The following CSNK2A2IP variants were observed in gnomAD, a reference collection of about 807,000 sequenced individuals.
CSNK2A2IP encodes the protein casein kinase 2 subunit alpha' interacting protein.
At chr3:88,444,318 G>A in the CSNK2A2IP span, among the ~76,000 whole-genome samples, 11 of 151,980 alleles carry the variant, frequency 7.2e-5, no homozygotes, top group Admixed American at 6.5e-4. Flanking sequence ...CTAACCTAGC[G>A]AAAATTTAGA....
the CSNK2A2IP span, among the ~76,000 whole-genome samples, chr3:88,352,610 G>A: frequency 5.3e-5 from 8 of 151,688 alleles, no homozygotes; most frequent in Non-Finnish European, 1.2e-4. Flanking sequence ...ATAGGGTCTC[G>A]CTCCATCACC....
At chr3:88,370,924 A>G in the CSNK2A2IP span, among the ~76,000 whole-genome samples, 8 of 151,770 alleles carry the variant, frequency 5.3e-5, no homozygotes, top group African/African-American at 1.9e-4. Flanking sequence ...GCACGCACAT[A>G]GAGAAAAGGC....
At chr3:88,350,008 T>TA in the CSNK2A2IP span, among the ~76,000 whole-genome samples, 8 of 152,242 alleles carry the variant, frequency 5.3e-5, no homozygotes, top group Admixed American at 4.6e-4. Flanking sequence ...GGATCATCCA[T>TA]AATCCCTATG....
At chr3:88,372,386 A>T in the CSNK2A2IP span, among the ~76,000 whole-genome samples, 2 of 151,668 alleles carry the variant, frequency 1.3e-5, no homozygotes, top group East Asian at 3.9e-4. Context: ...ATATTGTTAC[A>T]AGCTTCCTAT....
the CSNK2A2IP span, among the ~76,000 whole-genome samples, chr3:88,414,226 T>C: frequency 6.9e-6 from 1 of 145,200 alleles, no homozygotes; most frequent in Non-Finnish European, 1.5e-5. Flanking sequence ...TGTATTAACA[T>C]ATCCTAAGGA....
the CSNK2A2IP span, among the ~76,000 whole-genome samples, chr3:88,453,452 C>T: frequency 6.6e-6 from 1 of 152,062 alleles, no homozygotes. Context: ...TAAATCTGTA[C>T]ATACAACAAG....
the CSNK2A2IP span, among the ~76,000 whole-genome samples, chr3:88,379,546 T>G: frequency 2.0e-5 from 3 of 152,100 alleles, no homozygotes; most frequent in African/African-American, 7.2e-5. Flanking sequence ...AAAATTTTAT[T>G]TTTGTAGGGT....
the CSNK2A2IP span, among the ~76,000 whole-genome samples, chr3:88,437,704 C>T: frequency 6.9e-6 from 1 of 145,568 alleles, no homozygotes; most frequent in Non-Finnish European, 1.5e-5. Context: ...TCATTAAGGA[C>T]TGATTGTTCA....
the CSNK2A2IP span, among the ~76,000 whole-genome samples, chr3:88,436,514 CT>C: frequency 6.6e-6 from 1 of 152,074 alleles, no homozygotes; most frequent in South Asian, 2.1e-4. Context: ...AACAGGATGT[CT>C]TTTTCATTAA....
chr3:88,440,031 C>T, the CSNK2A2IP span, among the ~76,000 whole-genome samples: 2 of 152,144 alleles, frequency 1.3e-5, no homozygotes, highest in Non-Finnish European at 2.9e-5. Flanking sequence ...CAAGATGCTT[C>T]ATTATTTGGG....
chr3:88,412,052 T>C, the CSNK2A2IP span, among the ~76,000 whole-genome samples: 1 of 151,824 alleles, frequency 6.6e-6, no homozygotes, highest in Non-Finnish European at 1.5e-5. Flanking sequence ...ATGCCCTACA[T>C]ATAAAAATAA....
the CSNK2A2IP span, among the ~76,000 whole-genome samples, chr3:88,380,986 C>A: frequency 6.6e-6 from 1 of 152,144 alleles, no homozygotes; most frequent in South Asian, 2.1e-4. Context: ...CATGTGTAAA[C>A]AGGGTGCCAG....
chr3:88,355,696 T>C, the CSNK2A2IP span, among the ~76,000 whole-genome samples: 1 of 152,164 alleles, frequency 6.6e-6, no homozygotes, highest in Non-Finnish European at 1.5e-5. Flanking sequence ...CCAGGGATCT[T>C]TCTCAATGAT....
At chr3:88,374,730 C>T in the CSNK2A2IP span, among the ~76,000 whole-genome samples, 4 of 151,624 alleles carry the variant, frequency 2.6e-5, no homozygotes, top group Non-Finnish European at 4.4e-5. Context: ...GCTTTAAATT[C>T]TTGAGGTTAG....
chr3:88,339,947 T>C, the CSNK2A2IP span, among the ~76,000 whole-genome samples: 2 of 151,982 alleles, frequency 1.3e-5, no homozygotes, highest in Admixed American at 1.3e-4. Flanking sequence ...CCATTCACAA[T>C]TTTCTACCTA....
chr3:88,373,506 A>G, the CSNK2A2IP span, among the ~76,000 whole-genome samples: 3 of 151,308 alleles, frequency 2.0e-5, no homozygotes, highest in Non-Finnish European at 4.4e-5. Flanking sequence ...AAAATTTGTA[A>G]CAATAAATTC....
chr3:88,376,802 C>A, the CSNK2A2IP span, among the ~76,000 whole-genome samples: 1 of 151,686 alleles, frequency 6.6e-6, no homozygotes, highest in Non-Finnish European at 1.5e-5. Context: ...ACTTTTTATT[C>A]TAAGGTTACC....
chr3:88,370,875 G>A, the CSNK2A2IP span, among the ~76,000 whole-genome samples: 1 of 151,738 alleles, frequency 6.6e-6, no homozygotes, highest in African/African-American at 2.4e-5. Flanking sequence ...TTTTCTTTAT[G>A]AGAAGAGACA....
chr3:88,410,791 T>C, the CSNK2A2IP span, among the ~76,000 whole-genome samples: 2 of 152,024 alleles, frequency 1.3e-5, no homozygotes, highest in Non-Finnish European at 1.5e-5. Context: ...TGGTGGTTTA[T>C]TGTATGAATT....
Sources: allele counts gnomAD v4.1 joint callset (sites outside exome capture counted in the v4.1 genomes callset), GRCh38; gene constraint gnomAD v4.1.1; transcripts MANE v1.5; gene names NCBI Gene and HGNC (gene_info 2026-07-23, HGNC 2026-07-21).